The following PLCD4 variants were observed in gnomAD, a reference collection of about 807,000 sequenced individuals.
PLCD4 encodes the protein 1-phosphatidylinositol 4,5-bisphosphate phosphodiesterase delta-4.
A neutral mutation model predicts 90.2 loss-of-function variants in PLCD4; 63 were observed. That is an observed-to-expected ratio of 0.70 (90% CI 0.57 to 0.86). The LOEUF (loss-of-function observed/expected upper bound fraction) is 0.86. Among genes scored for constraint, PLCD4 ranks in the 40% least tolerant of loss-of-function variants. The pLI is 0.00. For synonymous variants in PLCD4, 294 were observed against 356.5 expected (o/e 0.82, Z 1.97); for missense variants, 830 against 956.3 (o/e 0.87, Z 1.74).
At position 218,629,658 on chromosome 2, in the gene PLCD4, T is replaced by C; in HGVS notation, c.1114T>C (p.Phe372Leu). 6.2e-7 allele frequency: 1 copy of C among 1,612,444 alleles called. No individual in the cohort carries two copies. The highest frequency in any genetic ancestry group is 8.5e-7 in the Non-Finnish European group (1 of 1,178,954). Reference protein sequence around the residue: ...DVVATVAQYAFQTSDYPVILS... With the variant: ...DVVATVAQYALQTSDYPVILS... ...CGTGGCCACAGTAGCACAGTATGCCTTCCAGGTAGTAGCCCCAGGATGGGG... is the reference window on the plus strand; with the variant it reads ...CGTGGCCACAGTAGCACAGTATGCCCTCCAGGTAGTAGCCCCAGGATGGGG... The change falls in exon 8 of 16, where the codon TTC (phenylalanine) becomes CTC (leucine). Residue 372 changes from phenylalanine to leucine, a missense_variant. Coordinates refer to ENST00000450993, the MANE Select transcript of PLCD4 (RefSeq NM_032726.4).
At chr2:218,618,089 A>AAAAC (rs61169386) in intron 3 of PLCD4, among the ~76,000 whole-genome samples, 10,667 of 151,214 alleles carry the variant, frequency 0.071, 1,073 homozygotes, top group African/African-American at 0.23. Context: ...TCCATGTCAA[A>AAAAC]AAACAAACAA....
In PLCD4 at chr2:218,629,425, G is replaced by A. The variant is rs1696258129; in HGVS notation, c.975-94G>A. ...AAGGGGTCTGGATGGGTAAGTGCTG[G>A]TGAGCACTGTTCTCTCCAGAGTGGG... On this transcript the variant is annotated intron_variant, in intron 7 of 15. Transcript: ENST00000450993. 4.2e-6 allele frequency: 6 copies of A among 1,435,544 alleles called. No individual in the cohort carries two copies. The South Asian group carries it at 7.9e-5, about 19-fold the overall frequency. The allele number at this position is 1,435,544 out of a possible 1,614,324, so 88.9% of individuals were successfully genotyped here.
chr2:218,616,803 G>T (rs184069045), intron 3 of PLCD4, among the ~76,000 whole-genome samples: 2 of 146,990 alleles, frequency 1.4e-5, no homozygotes, highest in East Asian at 4.0e-4. Flanking sequence ...AACAGTACCT[G>T]CTTAGTAGGC....
intron 7 of PLCD4, chr2:218,628,522 A>G (rs1696216016): frequency 3.2e-6 from 1 of 309,932 alleles, no homozygotes; most frequent in Admixed American, 4.3e-5. Flanking sequence ...AATGGAAGGC[A>G]ATAGAGAATA....
intron 1 of PLCD4, among the ~76,000 whole-genome samples, chr2:218,608,397 G>A (rs1695183722): frequency 6.6e-6 from 1 of 152,182 alleles, no homozygotes; most frequent in Admixed American, 6.5e-5. Flanking sequence ...CTAAGCTTTA[G>A]CATAGATTCA....
At chr2:218,619,047 G>A (rs1157001842) in intron 4 of PLCD4, among the ~76,000 whole-genome samples, 1 of 152,030 alleles carries the variant, frequency 6.6e-6, no homozygotes, top group East Asian at 1.9e-4. Flanking sequence ...GGAAGAGGCA[G>A]TGACAGGCAG....
At chr2:218,617,199 C>T (rs1208765006) in intron 3 of PLCD4, among the ~76,000 whole-genome samples, 12 of 146,762 alleles carry the variant, frequency 8.2e-5, no homozygotes, top group African/African-American at 2.2e-4. Context: ...CTCCTGACCC[C>T]GTGATCCGCC....
At chr2:218,614,846 A>C (rs1008388452) in intron 1 of PLCD4, among the ~76,000 whole-genome samples, 1 of 152,214 alleles carries the variant, frequency 6.6e-6, no homozygotes, top group Non-Finnish European at 1.5e-5. Context: ...TGGTCCATTA[A>C]AACTGTGAGA....
intron 9 of PLCD4, among the ~76,000 whole-genome samples, chr2:218,631,194 C>T (rs998746041): frequency 7.9e-5 from 12 of 151,950 alleles, no homozygotes; most frequent in Admixed American, 1.3e-4. Flanking sequence ...GACAGAGTTT[C>T]GCTCTTGTCG....
chr2:218,629,693 AGGCCAGAAGGT>A lies in PLCD4; in HGVS notation c.1119+31_1119+41del, dbSNP rs757131300. On this transcript the variant is annotated intron_variant, in intron 8 of 15. Transcript: ENST00000450993. ...TAGCCCCAGGATGGGGACACTGGTGAGGCCAGAAGGTCTGAGGGAAGAACGACTGGCTCTGG... is the reference window on the plus strand; with the variant it reads ...TAGCCCCAGGATGGGGACACTGGTGACTGAGGGAAGAACGACTGGCTCTGG... The A allele has an allele frequency of 5.6e-6, 9 of 1,600,900 alleles. No individual in the cohort carries two copies. In the South Asian group the frequency reaches 1.0e-4, roughly 18 times the overall value.
chr2:218,626,463 G>A (rs1317875124), intron 6 of PLCD4, among the ~76,000 whole-genome samples: 2 of 152,126 alleles, frequency 1.3e-5, no homozygotes, highest in Non-Finnish European at 2.9e-5. Context: ...TGGCGGCCTG[G>A]GTTCAAATCC....
At chr2:218,629,482 C>T in intron 7 of PLCD4, 37 bp from the exon 8 acceptor site, 1 of 1,607,574 alleles carries the variant, frequency 6.2e-7, no homozygotes, top group Non-Finnish European at 8.5e-7. Context: ...CAGATATTGA[C>T]CTCTCCTATT....
Position 218,616,927 on chromosome 2 carries a change from TAGAGAGAGAGAGAGAGAGAGAGAG to T in PLCD4, c.181+901_181+924del, listed in dbSNP as rs71266346. Among the ~76,000 whole-genome samples, 5 of 13,764 alleles carry T rather than the reference TAGAGAGAGAGAGAGAGAGAGAGAG, an allele frequency of 3.6e-4. 1 individual carries two copies. The highest frequency in any genetic ancestry group is 1.4e-3 in the African/African-American group (5 of 3,474). The allele number at this position is 13,764 out of a possible 152,430, so 9.0% of individuals were successfully genotyped here. A position where few individuals can be genotyped will look rare whatever the true frequency, so the allele number is the denominator to read the frequency against. ...ATATATATATATATATATATATATA[TAGAGAGAGAGAGAGAGAGAGAGAG>T]AGAGAGAGAGAGAGAGAGAGAGAGA... On this transcript the variant is annotated intron_variant, in intron 3 of 15. Coordinates refer to ENST00000450993, the MANE Select transcript of PLCD4 (RefSeq NM_032726.4).
At chr2:218,630,014 T>C (rs544383128) in intron 8 of PLCD4, among the ~76,000 whole-genome samples, 3 of 152,068 alleles carry the variant, frequency 2.0e-5, no homozygotes, top group East Asian at 1.9e-4. Flanking sequence ...CCCGTCTCTA[T>C]TAAAAATAGA....
In PLCD4 at chr2:218,636,761, T is replaced by C; in HGVS notation, c.*184T>C. On this transcript the variant is annotated 3_prime_UTR_variant, in exon 16 of 16. Transcript: ENST00000450993. Reference sequence around the variant, plus strand: ...GACCTGATTTTCCACCTTTTTTCTCTTTTCTTCCCTTCCTTTGTTTTCATA... The same window carrying C: ...GACCTGATTTTCCACCTTTTTTCTCCTTTCTTCCCTTCCTTTGTTTTCATA... 1.5e-6 allele frequency: 1 copy of C among 683,794 alleles called. No individual in the cohort carries two copies. The highest frequency in any genetic ancestry group is 1.7e-5 in the South Asian group (1 of 60,172). The allele number at this position is 683,794 out of a possible 1,614,324, so 42.4% of individuals were successfully genotyped here.
At chr2:218,631,325 TGG>T (rs1431413995) in intron 9 of PLCD4, among the ~76,000 whole-genome samples, 1 of 152,102 alleles carries the variant, frequency 6.6e-6, no homozygotes, top group East Asian at 1.9e-4. Context: ...CCACCACACC[TGG>T]CTAGTTTTTG....
At chr2:218,623,338 A>C (rs1423554605) in intron 6 of PLCD4, among the ~76,000 whole-genome samples, 1 of 152,166 alleles carries the variant, frequency 6.6e-6, no homozygotes, top group Non-Finnish European at 1.5e-5. Context: ...CTTCAATTCA[A>C]GTGGCTCTCT....
chr2:218,616,923 TATATAGAG>T (rs1177980795), intron 3 of PLCD4, among the ~76,000 whole-genome samples: 2 of 24,150 alleles, frequency 8.3e-5, no homozygotes, highest in African/African-American at 3.5e-4. Flanking sequence ...TATATATATA[TATATAGAG>T]AGAGAGAGAG....
Position 218,630,719 on chromosome 2 carries a change from C to T in PLCD4, c.1189C>T (p.Arg397Cys), listed in dbSNP as rs759790901. 5.0e-6 allele frequency: 8 copies of T among 1,613,994 alleles called. No homozygotes were observed. The highest frequency in any genetic ancestry group is 1.7e-5 in the Admixed American group (1 of 60,014). Residue 397 changes from arginine (R) to cysteine (C), a missense_variant, in exon 9 of 16, where the codon CGT becomes TGT. Physicochemically the swap from Arg to Cys is radical, Grantham distance 180. Transcript: ENST00000450993. ...CTGGGAGCAGCAGCAGACCATGGCC[C>T]GTCATCTGACTGAGATCCTGGGGGA... Reference protein sequence around the residue: ...CSWEQQQTMARHLTEILGEQL... With the variant: ...CSWEQQQTMACHLTEILGEQL...
Sources: allele counts gnomAD v4.1 joint callset (sites outside exome capture counted in the v4.1 genomes callset), GRCh38; gene constraint gnomAD v4.1.1; transcripts MANE v1.5; gene names NCBI Gene and HGNC (gene_info 2026-07-23, HGNC 2026-07-21).